The following RCN1 variants were observed in gnomAD, a reference collection of about 807,000 sequenced individuals.
The protein encoded by RCN1 is reticulocalbin 1, also known as reticulocalbin-1.
Under a neutral mutation model 34.7 loss-of-function variants are expected in RCN1, and 14 were observed. That is an observed-to-expected ratio of 0.40 (90% CI 0.27 to 0.63). RCN1 has a LOEUF of 0.63. RCN1 is among the 30% of genes least tolerant of loss of function. RCN1 has a pLI of 0.37. For synonymous variants in RCN1, 125 were observed against 165.5 expected (o/e 0.76, Z 1.88); for missense variants, 326 against 425.1 (o/e 0.77, Z 2.05).
At chr11:32,098,169 G>A (rs577178300) in intron 2 of RCN1, among the ~76,000 whole-genome samples, 181 bp from the exon 3 acceptor site, 1 of 152,322 alleles carries the variant, frequency 6.6e-6, no homozygotes, top group South Asian at 2.1e-4. Context: ...CTAGATTATG[G>A]GGTGGCTTGA....
intron 1 of RCN1, among the ~76,000 whole-genome samples, chr11:32,094,066 G>T (rs1020699007): frequency 2.6e-5 from 4 of 152,174 alleles, no homozygotes; most frequent in Non-Finnish European, 4.4e-5. Context: ...GTTAAATGTG[G>T]GGTAGAGGCG....
At position 32,104,990 on chromosome 11, in the gene RCN1, C is replaced by CT. The variant is rs1852094550; in HGVS notation, c.*519dup. On this transcript the variant is annotated 3_prime_UTR_variant, in exon 6 of 6. Transcript: ENST00000054950. ...GATTCTTTCTTTTCGACTTTATACT[C>CT]TGAGTTATTACTTACTGTAAGTGGT... 5.9e-6 allele frequency: 1 copy of CT among 168,536 alleles called. No homozygotes were observed. Among genetic ancestry groups the CT allele is most frequent in the Non-Finnish European group, 1.4e-5 (1 of 69,218 alleles). The allele number at this position is 168,536 out of a possible 1,614,324, so 10.4% of individuals were successfully genotyped here.
At chr11:32,096,919 G>A in intron 1 of RCN1, 1 of 482,322 alleles carries the variant, frequency 2.1e-6, no homozygotes, top group Non-Finnish European at 3.6e-6. Flanking sequence ...TCCATTAGCA[G>A]TGTCTGCCAT....
At chr11:32,104,204 T>C (rs1300894478) in intron 5 of RCN1, among the ~76,000 whole-genome samples, 161 bp from the exon 6 acceptor site, 1 of 152,228 alleles carries the variant, frequency 6.6e-6, no homozygotes, top group African/African-American at 2.4e-5. Context: ...ATTTGGAGTT[T>C]TGCAATGCAG....
At chr11:32,091,993 C>T (rs936771573) in intron 1 of RCN1, among the ~76,000 whole-genome samples, 1 of 152,178 alleles carries the variant, frequency 6.6e-6, no homozygotes, top group Admixed American at 6.5e-5. Flanking sequence ...GCCTAATCGC[C>T]CTGTAAATCT....
At position 32,100,578 on chromosome 11, in the gene RCN1, G is replaced by A; in HGVS notation, c.658G>A (p.Asp220Asn). Residue 220 changes from aspartate to asparagine, a missense_variant, in exon 4 of 6, where the codon GAT (aspartate) becomes AAT (asparagine). Coordinates refer to ENST00000054950, the MANE Select transcript of RCN1 (RefSeq NM_002901.4). Reference sequence around the variant, plus strand: ...CCTGGAGGACATCGACAAGAACGGGGATGGGTTTGTGGATCAGGATGAGTA... The same window carrying A: ...CCTGGAGGACATCGACAAGAACGGGAATGGGTTTGTGGATCAGGATGAGTA... ...ETLEDIDKNG[D>N]GFVDQDEYIA... is the part of the protein sequence containing the mutation. 2 of 1,614,124 alleles carry A rather than the reference G, an allele frequency of 1.2e-6. No individual in the cohort carries two copies. The highest frequency in any genetic ancestry group is 1.7e-6 in the Non-Finnish European group (2 of 1,179,970).
Position 32,103,400 on chromosome 11 carries a change from C to T in RCN1, c.808C>T (p.Arg270Cys), listed in dbSNP as rs1240308322. The change falls in exon 5 of 6, where the codon CGC (arginine) becomes TGC (cysteine). Residue 270 changes from arginine to cysteine, a missense_variant. Arg to Cys is a radical substitution (Grantham distance 180). Coordinates refer to ENST00000054950, the MANE Select transcript of RCN1 (RefSeq NM_002901.4). ...CGGGAAGTTAGACAAAGATGAGATTCGCCACTGGATCCTCCCTCAAGATTA... is the reference window on the plus strand; with the variant it reads ...CGGGAAGTTAGACAAAGATGAGATTTGCCACTGGATCCTCCCTCAAGATTA... ...KDGKLDKDEI[R>C]HWILPQDYDH... is the part of the protein sequence containing the mutation. 5.6e-6 allele frequency: 9 copies of T among 1,613,230 alleles called. No homozygotes were observed. Among genetic ancestry groups the T allele is most frequent in the East Asian group, 2.2e-5 (1 of 44,892 alleles).
intron 2 of RCN1, among the ~76,000 whole-genome samples, chr11:32,097,797 T>C (rs1252618555): frequency 1.3e-5 from 2 of 152,106 alleles, no homozygotes; most frequent in African/African-American, 4.8e-5. Flanking sequence ...GGGGCAAAGA[T>C]GCAGCAATGC....
At chr11:32,096,997 T>C in intron 1 of RCN1, 147 bp from the exon 2 acceptor site, 2 of 622,212 alleles carry the variant, frequency 3.2e-6, no homozygotes, top group Non-Finnish European at 5.1e-6. Context: ...CCAGCCTCCT[T>C]GGATCATTGA....
chr11:32,091,188 C>T lies in RCN1; in HGVS notation c.-9C>T, dbSNP rs8219. 2 of 1,425,916 alleles carry T rather than the reference C, an allele frequency of 1.4e-6. No homozygotes were observed. The highest frequency in any genetic ancestry group is 1.8e-6 in the Non-Finnish European group (2 of 1,097,482). 88.3% of individuals were successfully genotyped at this position (1,425,916 alleles called of 1,614,324 possible). A position where few individuals can be genotyped will look rare whatever the true frequency, so the allele number is the denominator to read the frequency against. On this transcript the variant is annotated 5_prime_UTR_variant, in exon 1 of 6. Transcript: ENST00000054950. Reference sequence around the variant, plus strand: ...GCGTCTCCCTCTCGGCCGCCCTCTCCTCGGGACGATGGCGCGCGGTGGCCG... The same window carrying T: ...GCGTCTCCCTCTCGGCCGCCCTCTCTTCGGGACGATGGCGCGCGGTGGCCG...
At position 32,091,193 on chromosome 11, in the gene RCN1, G is replaced by A. The variant is rs1285753664; in HGVS notation, c.-4G>A. On this transcript the variant is annotated 5_prime_UTR_variant, in exon 1 of 6. Transcript: ENST00000054950. ...TCCCTCTCGGCCGCCCTCTCCTCGG[G>A]ACGATGGCGCGCGGTGGCCGCGGCC... The A allele has an allele frequency of 8.4e-6, 12 of 1,431,616 alleles. No homozygotes were observed. The highest frequency in any genetic ancestry group is 1.0e-5 in the Non-Finnish European group (11 of 1,100,394). 88.7% of individuals were successfully genotyped at this position (1,431,616 alleles called of 1,614,324 possible).
rs1056794464 is a variant in RCN1, at chr11:32,101,783, G to A, written c.688+1175G>A. 3.9e-5 allele frequency among the ~76,000 whole-genome samples: 6 copies of A among 152,192 alleles called. No individual in the cohort carries two copies. The South Asian group carries it at 1.0e-3, about 26-fold the overall frequency. On this transcript the variant is annotated intron_variant, in intron 4 of 5. Transcript: ENST00000054950. ...TGAGCCTTCCTCTTGCTGGGTCCAC[G>A]TGCGAGGGTCACGTTCGGAGGCGCA...
intron 5 of RCN1, 135 bp downstream of exon 5, chr11:32,103,615 G>A (rs1482418791): frequency 9.3e-6 from 7 of 748,800 alleles, no homozygotes; most frequent in East Asian, 2.6e-5. Flanking sequence ...TCCTACAGTG[G>A]AGACCTGTAA....
chr11:32,097,501 G>A (rs1337809998), intron 2 of RCN1, among the ~76,000 whole-genome samples, 164 bp downstream of exon 2: 3 of 152,090 alleles, frequency 2.0e-5, no homozygotes, highest in Non-Finnish European at 4.4e-5. Flanking sequence ...AGAATGTACT[G>A]AGTTGCTTAC....
At position 32,098,523 on chromosome 11, in the gene RCN1, G is replaced by T; in HGVS notation, c.622G>T (p.Val208Phe). 1 of 1,608,368 alleles carries T rather than the reference G, an allele frequency of 6.2e-7. No homozygotes were observed. The highest frequency in any genetic ancestry group is 1.1e-5 in the South Asian group (1 of 89,622). The change falls in exon 3 of 6, where the codon GTT becomes TTT. Residue 208 changes from valine (V) to phenylalanine (F), a missense_variant. By Grantham distance (50) the Val-to-Phe change is conservative. Transcript: ENST00000054950. Reference protein sequence around the residue: ...EEFEHMKEIVVLETLEDIDKN... With the variant: ...EEFEHMKEIVFLETLEDIDKN... ...GTTTGAACATATGAAGGAAATTGTG[G>T]TTTTGGTAAGATAAGTGAAGAGTCT...
At chr11:32,093,867 T>C (rs928449072) in intron 1 of RCN1, among the ~76,000 whole-genome samples, 33 of 150,948 alleles carry the variant, frequency 2.2e-4, no homozygotes, top group Non-Finnish European at 1.5e-4. Flanking sequence ...GGAGAGGAGG[T>C]GAATGCCAAA....
chr11:32,092,589 G>C (rs1010899477), intron 1 of RCN1, among the ~76,000 whole-genome samples: 2 of 152,048 alleles, frequency 1.3e-5, no homozygotes, highest in South Asian at 2.1e-4. Context: ...ACAAAACTTC[G>C]GCGCATTTTA....
chr11:32,096,190 T>G (rs868111687), intron 1 of RCN1, among the ~76,000 whole-genome samples: 4 of 152,252 alleles, frequency 2.6e-5, no homozygotes, highest in South Asian at 4.1e-4. Flanking sequence ...TTAGCCTGTA[T>G]GACCTCCTCC....
chr11:32,103,677 T>C (rs1466359876), intron 5 of RCN1, among the ~76,000 whole-genome samples, 197 bp downstream of exon 5: 1 of 152,222 alleles, frequency 6.6e-6, no homozygotes, highest in Non-Finnish European at 1.5e-5. Context: ...GCCCCAACTT[T>C]CCTGGAAAGT....
Sources: allele counts gnomAD v4.1 joint callset (sites outside exome capture counted in the v4.1 genomes callset), GRCh38; gene constraint gnomAD v4.1.1; transcripts MANE v1.5; gene names NCBI Gene and HGNC (gene_info 2026-07-23, HGNC 2026-07-21).